LSM3: variants seen among roughly 807,000 people sequenced by gnomAD.
The protein encoded by LSM3 is U6 snRNA-associated Sm-like protein LSm3.
Under a neutral mutation model 15.4 loss-of-function variants are expected in LSM3, and 14 were observed. The observed-to-expected ratio is 0.91, with a 90% CI of 0.60 to 1.42. The LOEUF (loss-of-function observed/expected upper bound fraction) is 1.42. LSM3 is among the 40% of genes most tolerant of loss of function. The pLI, the probability that LSM3 is intolerant of heterozygous loss-of-function variation, is 0.00. For synonymous variants in LSM3, 46 were observed against 45.1 expected, an observed-to-expected ratio of 1.02 and a Z score of -0.08; for missense variants, 88 against 127.9, an observed-to-expected ratio of 0.69 and a Z score of 1.50.
At chr3:14,187,100 A>G (rs541709043) in intron 3 of LSM3, among the ~76,000 whole-genome samples, 2 of 152,286 alleles carry the variant, frequency 1.3e-5, no homozygotes, top group East Asian at 1.9e-4. Flanking sequence ...CACTTACTCC[A>G]TGTTTGCAGT....
At chr3:14,180,982 G>T (rs1049221532) in intron 1 of LSM3, among the ~76,000 whole-genome samples, 1 of 151,638 alleles carries the variant, frequency 6.6e-6, no homozygotes, top group African/African-American at 2.4e-5. Flanking sequence ...CCTTGGAGTA[G>T]CTGGGACTAC....
At chr3:14,182,753 A>G (rs910378086) in intron 2 of LSM3, among the ~76,000 whole-genome samples, 1 of 152,194 alleles carries the variant, frequency 6.6e-6, no homozygotes, top group Non-Finnish European at 1.5e-5. Flanking sequence ...CTTTATAACA[A>G]CCCTATGATG....
chr3:14,187,538 A>C (rs775208662), intron 3 of LSM3, among the ~76,000 whole-genome samples: 2 of 152,198 alleles, frequency 1.3e-5, no homozygotes, highest in Non-Finnish European at 2.9e-5. Flanking sequence ...GAGTGTCTGC[A>C]TCTGGTTCAG....
intron 1 of LSM3, 136 bp downstream of exon 1, chr3:14,179,017 C>A: frequency 1.1e-6 from 1 of 934,462 alleles, no homozygotes; most frequent in Non-Finnish European, 1.7e-6. Context: ...TTTCCGTAAC[C>A]CCCCCTCCGA....
intron 1 of LSM3, 80 bp from the exon 2 acceptor site, chr3:14,181,480 C>T: frequency 1.2e-6 from 1 of 866,024 alleles, no homozygotes; most frequent in East Asian, 2.5e-5. Flanking sequence ...AATAACTTGC[C>T]CATGGTCACA....
intron 3 of LSM3, among the ~76,000 whole-genome samples, chr3:14,186,855 T>G (rs1485434241): frequency 2.0e-5 from 3 of 152,248 alleles, no homozygotes; most frequent in African/African-American, 2.4e-5. Context: ...ATAGTTTAAT[T>G]GGCAAAATTT....
At chr3:14,193,496 A>G (rs1697159879) in intron 3 of LSM3, among the ~76,000 whole-genome samples, 2 of 151,756 alleles carry the variant, frequency 1.3e-5, no homozygotes. Flanking sequence ...TTTTTCTCTA[A>G]TCTTGTCTTC....
At chr3:14,183,740 A>G (rs1435376588) in intron 2 of LSM3, among the ~76,000 whole-genome samples, 197 bp from the exon 3 acceptor site, 6 of 152,386 alleles carry the variant, frequency 3.9e-5, no homozygotes, top group East Asian at 3.8e-4. Flanking sequence ...TATCAGGTCA[A>G]TTAAGTAATC....
At chr3:14,195,726 C>T (rs1697181733) in intron 3 of LSM3, among the ~76,000 whole-genome samples, 2 of 152,154 alleles carry the variant, frequency 1.3e-5, no homozygotes, top group Admixed American at 1.3e-4. Flanking sequence ...AAGCCACATT[C>T]ATGGAACTGT....
intron 3 of LSM3, among the ~76,000 whole-genome samples, chr3:14,197,354 C>T (rs1250891506): frequency 6.6e-6 from 1 of 152,248 alleles, no homozygotes; most frequent in Admixed American, 6.5e-5. Flanking sequence ...GGCTACATTC[C>T]AAGTTTTATC....
At chr3:14,190,390 G>A (rs1337236261) in intron 3 of LSM3, among the ~76,000 whole-genome samples, 1 of 152,082 alleles carries the variant, frequency 6.6e-6, no homozygotes, top group African/African-American at 2.4e-5. Context: ...TGGGCAGTAT[G>A]GCCATTTTCA....
chr3:14,195,283 C>T (rs551682614), intron 3 of LSM3, among the ~76,000 whole-genome samples: 7 of 152,166 alleles, frequency 4.6e-5, no homozygotes, highest in East Asian at 1.9e-4. Flanking sequence ...TAGGCTAGAA[C>T]TCAGTGATAT....
chr3:14,192,152 G>T (rs942432729), intron 3 of LSM3, among the ~76,000 whole-genome samples: 1 of 152,176 alleles, frequency 6.6e-6, no homozygotes, highest in Non-Finnish European at 1.5e-5. Flanking sequence ...GAGACAGTTT[G>T]TTATGATTTC....
chr3:14,192,423 T>C (rs2124826080), intron 3 of LSM3, among the ~76,000 whole-genome samples: 1 of 152,340 alleles, frequency 6.6e-6, no homozygotes, highest in South Asian at 2.1e-4. Context: ...TCTAAGTCTC[T>C]TTATAGGTCT....
At chr3:14,192,776 A>G (rs1332312315) in intron 3 of LSM3, among the ~76,000 whole-genome samples, 1 of 152,196 alleles carries the variant, frequency 6.6e-6, no homozygotes, top group Non-Finnish European at 1.5e-5. Context: ...GCCCGTTTAC[A>G]TTTAAGGTTA....
intron 3 of LSM3, 73 bp from the exon 4 acceptor site, chr3:14,197,963 A>G: frequency 7.7e-7 from 1 of 1,304,016 alleles, no homozygotes; most frequent in Non-Finnish European, 1.1e-6. Context: ...TCCATTTTTT[A>G]ACATTTCTGT....
chr3:14,182,629 T>C (rs1697050664), intron 2 of LSM3, among the ~76,000 whole-genome samples: 1 of 152,256 alleles, frequency 6.6e-6, no homozygotes, highest in African/African-American at 2.4e-5. Context: ...GTGTGTTGTT[T>C]TTAGTATTGC....
At chr3:14,186,037 A>G (rs1292398392) in intron 3 of LSM3, among the ~76,000 whole-genome samples, 1 of 152,048 alleles carries the variant, frequency 6.6e-6, no homozygotes, top group Admixed American at 6.5e-5. Flanking sequence ...TCAGCCTCCA[A>G]AGTAGCTGGG....
intron 3 of LSM3, among the ~76,000 whole-genome samples, chr3:14,195,215 G>A (rs1306810340): frequency 6.6e-6 from 1 of 152,172 alleles, no homozygotes; most frequent in Non-Finnish European, 1.5e-5. Flanking sequence ...GAGTAGAGGA[G>A]TGTACATGAG....
Sources: allele counts gnomAD v4.1 joint callset (sites outside exome capture counted in the v4.1 genomes callset), GRCh38; gene constraint gnomAD v4.1.1; transcripts MANE v1.5; gene names NCBI Gene and HGNC (gene_info 2026-07-23, HGNC 2026-07-21).